Variants in ABLIM1 observed in about 807,000 individuals in gnomAD.
ABLIM1 encodes actin binding LIM protein 1, also known as actin-binding LIM protein 1.
In ABLIM1, 40 loss-of-function variants were observed where a neutral mutation model predicts 107.0. The ratio of observed to expected loss-of-function variants is 0.37; its 90% CI spans 0.29 to 0.49. The LOEUF (loss-of-function observed/expected upper bound fraction) is 0.49. Among genes scored for constraint, ABLIM1 ranks in the 20% least tolerant of loss-of-function variants. The pLI is 0.97. For missense variants in ABLIM1, 857 were observed against 1,008.5 expected, an observed-to-expected ratio of 0.85 and a Z score of 2.04; for synonymous variants, 357 against 357.3, an observed-to-expected ratio of 1.00 and a Z score of 0.01.
chr10:114,597,018 C>T (rs761598422), intron 2 of ABLIM1, among the ~76,000 whole-genome samples: 21 of 152,160 alleles, frequency 1.4e-4, no homozygotes, highest in African/African-American at 5.1e-4. Context: ...GAATGTGCCT[C>T]CTGTGCACTC....
Position 114,491,012 on chromosome 10 carries a change from G to GTGTGTGTATGTATATATATA in ABLIM1, c.982+778_982+779insTATATATATACATACACACA. ...TGTGTGTGTGTGTGTGTGTGTGTGT[G>GTGTGTGTATGTATATATATA]TATATATATATATGGTCTATTTTAT... On this transcript the variant is annotated intron_variant, in intron 7 of 22. Transcript: ENST00000533213. Among the ~76,000 whole-genome samples the GTGTGTGTATGTATATATATA allele has an allele frequency of 3.1e-3, 285 of 92,388 alleles. 14 individuals are homozygous for GTGTGTGTATGTATATATATA. The highest frequency in any genetic ancestry group is 0.012 in the African/African-American group (271 of 21,702). 60.6% of individuals were successfully genotyped at this position (92,388 alleles called of 152,430 possible). A position where few individuals can be genotyped will look rare whatever the true frequency, so the allele number is the denominator to read the frequency against.
intron 4 of ABLIM1, among the ~76,000 whole-genome samples, chr10:114,559,438 C>CAAAAAAAAAAAAAAAAAAAAAAAA (rs72456292): frequency 4.1e-5 from 2 of 49,356 alleles, no homozygotes; most frequent in Non-Finnish European, 7.6e-5. Context: ...ACTCGTCTCT[C>CAAAAAAAAAAAAAAAAAAAAAAAA]AAAAAAAAAA....
At chr10:114,677,065 C>T (rs2080519710) in intron 1 of ABLIM1, among the ~76,000 whole-genome samples, 1 of 152,122 alleles carries the variant, frequency 6.6e-6, no homozygotes, top group Non-Finnish European at 1.5e-5. Context: ...AAAAATCCCT[C>T]TTACTTCTGA....
At chr10:114,750,831 A>C (rs545858946) in intron 1 of ABLIM1, among the ~76,000 whole-genome samples, 1 of 152,256 alleles carries the variant, frequency 6.6e-6, no homozygotes, top group Non-Finnish European at 1.5e-5. Context: ...ATACAAAAGT[A>C]GAAATCACTG....
chr10:114,463,229 A>G, intron 12 of ABLIM1: 1 of 1,201,704 alleles, frequency 8.3e-7, no homozygotes. Flanking sequence ...AAATTAACAC[A>G]GGAGCAGGGA....
intron 1 of ABLIM1, among the ~76,000 whole-genome samples, chr10:114,633,154 A>C (rs1374257101): frequency 6.6e-6 from 1 of 152,228 alleles, no homozygotes; most frequent in Non-Finnish European, 1.5e-5. Context: ...TCAGAACCAG[A>C]ATGCACAGCC....
At chr10:114,671,333 TCTC>T (rs2080245143) in intron 1 of ABLIM1, among the ~76,000 whole-genome samples, 1 of 152,206 alleles carries the variant, frequency 6.6e-6, no homozygotes, top group Non-Finnish European at 1.5e-5. Flanking sequence ...ATTTGTCCAT[TCTC>T]CTGTTTGGGG....
intron 6 of ABLIM1, among the ~76,000 whole-genome samples, chr10:114,500,350 A>T (rs996669711): frequency 1.3e-5 from 2 of 152,168 alleles, no homozygotes; most frequent in Admixed American, 1.3e-4. Context: ...TAGACTGAAA[A>T]TTGGACTTTG....
chr10:114,561,176 C>A (rs1565937921), intron 4 of ABLIM1, among the ~76,000 whole-genome samples: 1 of 152,212 alleles, frequency 6.6e-6, no homozygotes, highest in Non-Finnish European at 1.5e-5. Flanking sequence ...GTTCACCTAG[C>A]ATACCCGGGC....
the ABLIM1 span, among the ~76,000 whole-genome samples, chr10:114,783,319 A>C: frequency 6.6e-6 from 1 of 151,840 alleles, no homozygotes; most frequent in Non-Finnish European, 1.5e-5. Flanking sequence ...AAAAAAAATA[A>C]AAGAGAGAGA....
At chr10:114,522,771 C>G (rs1025083059) in intron 6 of ABLIM1, among the ~76,000 whole-genome samples, 2 of 152,194 alleles carry the variant, frequency 1.3e-5, no homozygotes, top group African/African-American at 4.8e-5. Flanking sequence ...TGAAGGTCCC[C>G]TCCCGTCAAA....
At chr10:114,467,037 T>C (rs1313056701) in intron 11 of ABLIM1, among the ~76,000 whole-genome samples, 1 of 152,086 alleles carries the variant, frequency 6.6e-6, no homozygotes, top group Non-Finnish European at 1.5e-5. Context: ...TGTGCACCTG[T>C]AATCCCAGCT....
chr10:114,439,786 A>G (rs1328050878), intron 20 of ABLIM1: 1 of 481,622 alleles, frequency 2.1e-6, no homozygotes, highest in East Asian at 3.5e-5. Flanking sequence ...AAAACTGTAT[A>G]TGAGCAGACC....
chr10:114,659,382 T>C (rs976041901), upstream of ABLIM1, among the ~76,000 whole-genome samples: 5 of 150,524 alleles, frequency 3.3e-5, no homozygotes, highest in African/African-American at 1.2e-4. Context: ...CCAAGTGTGG[T>C]GTCATGCATC....
chr10:114,601,465 T>C (rs544250190), intron 2 of ABLIM1, among the ~76,000 whole-genome samples: 2 of 152,050 alleles, frequency 1.3e-5, no homozygotes, highest in South Asian at 4.2e-4. Flanking sequence ...GGGGTTTCAC[T>C]GTGTTGGCCA....
intron 1 of ABLIM1, among the ~76,000 whole-genome samples, chr10:114,648,414 A>G (rs993025962): frequency 3.9e-5 from 6 of 152,224 alleles, no homozygotes; most frequent in Non-Finnish European, 8.8e-5. Flanking sequence ...TACTAAGTAA[A>G]AGAAGCTAGA....
At chr10:114,717,821 G>A (rs1379339187) in intron 1 of ABLIM1, among the ~76,000 whole-genome samples, 1 of 151,324 alleles carries the variant, frequency 6.6e-6, no homozygotes, top group Non-Finnish European at 1.5e-5. Context: ...GCTGAGGCAG[G>A]AGGATCGCTT....
chr10:114,523,269 C>T (rs2064050787), intron 6 of ABLIM1, among the ~76,000 whole-genome samples: 1 of 152,168 alleles, frequency 6.6e-6, no homozygotes, highest in African/African-American at 2.4e-5. Flanking sequence ...ACATTCTGCA[C>T]AGTCTGGAAA....
intron 1 of ABLIM1, among the ~76,000 whole-genome samples, chr10:114,691,157 A>C (rs948912648): frequency 5.9e-5 from 9 of 152,194 alleles, no homozygotes; most frequent in African/African-American, 2.2e-4. Context: ...TCTTGTATGC[A>C]GAAGAGCACA....
Sources: allele counts gnomAD v4.1 joint callset (sites outside exome capture counted in the v4.1 genomes callset), GRCh38; gene constraint gnomAD v4.1.1; transcripts MANE v1.5; gene names NCBI Gene and HGNC (gene_info 2026-07-23, HGNC 2026-07-21).